Variants in NAV3 observed in about 807,000 individuals in gnomAD.
The protein encoded by NAV3 is pore membrane and/or filament interacting like protein 1.
A neutral mutation model predicts 244.7 loss-of-function variants in NAV3; 87 were observed. The ratio of observed to expected loss-of-function variants is 0.36; its 90% CI spans 0.30 to 0.42. The LOEUF (loss-of-function observed/expected upper bound fraction) is 0.42, where lower values mean the gene tolerates loss of function less well. NAV3 is among the 20% of genes least tolerant of loss of function. The pLI is 1.00. For synonymous variants in NAV3, 1,126 were observed against 1,042.2 expected (o/e 1.08, Z -1.55); for missense variants, 2,663 against 2,893.3 (o/e 0.92, Z 1.83).
chr12:78,138,987 T>A (rs908200099), intron 19 of NAV3, among the ~76,000 whole-genome samples: 1 of 152,144 alleles, frequency 6.6e-6, no homozygotes, highest in African/African-American at 2.4e-5. Flanking sequence ...TGTTCTAAGG[T>A]CATAAACAGA....
At position 77,772,883 on chromosome 12, in the gene NAV3, AG is replaced by A; in HGVS notation, c.73-167435del. 4.6e-5 allele frequency among the ~76,000 whole-genome samples: 7 copies of A among 152,324 alleles called. No homozygotes were observed. The South Asian group carries it at 1.5e-3, about 32-fold the overall frequency. Reference sequence around the variant, plus strand: ...AAACAGATTGCTAGTCTTTCCTACCAGCTGTTCCTCTCTCCTTTCATTGTTG... The same window carrying A: ...AAACAGATTGCTAGTCTTTCCTACCACTGTTCCTCTCTCCTTTCATTGTTG... On this transcript the variant is annotated intron_variant, in intron 2 of 8. Coordinates refer to the NAV3 transcript ENST00000550042.
chr12:78,024,149 T>C (rs1161439791), intron 9 of NAV3, among the ~76,000 whole-genome samples: 1 of 152,238 alleles, frequency 6.6e-6, no homozygotes, highest in Admixed American at 6.5e-5. Context: ...CGCATATTTT[T>C]CTTCTCTCCT....
chr12:77,948,788 A>G (rs1890605217), intron 3 of NAV3, among the ~76,000 whole-genome samples: 1 of 151,314 alleles, frequency 6.6e-6, no homozygotes, highest in Non-Finnish European at 1.5e-5. Flanking sequence ...ACAAAATATT[A>G]AGATATTTGG....
chr12:78,141,939 G>C (rs954279678), intron 20 of NAV3, among the ~76,000 whole-genome samples: 1 of 151,426 alleles, frequency 6.6e-6, no homozygotes, highest in African/African-American at 2.4e-5. Context: ...ATTAATATTT[G>C]GATAAAGCTA....
intron 1 of NAV3, among the ~76,000 whole-genome samples, chr12:77,905,183 T>G (rs1885834384): frequency 6.6e-6 from 1 of 152,106 alleles, no homozygotes; most frequent in South Asian, 2.1e-4. Context: ...AAATCTTGGA[T>G]TTTGAGATTC....
rs1045944544 is a variant in NAV3, at chr12:77,706,871, AAAAAAAAAAAAAAAAAAAAAAACC to A, written c.72+134619_72+134642del. Reference sequence around the variant, plus strand: ...GGGCAACAGAGTGAGACTCTGTTTCAAAAAAAAAAAAAAAAAAAAAAACCAAAAAAAAAAAAACTAGGAAAAAAA... The same window carrying A: ...GGGCAACAGAGTGAGACTCTGTTTCAAAAAAAAAAAAAACTAGGAAAAAAA... On this transcript the variant is annotated intron_variant, in intron 2 of 8. Transcript: ENST00000550042. Among the ~76,000 whole-genome samples the A allele has an allele frequency of 5.0e-3, 29 of 5,776 alleles. No homozygotes were observed. In the South Asian group the frequency reaches 0.092, roughly 18 times the overall value. 3.8% of individuals were successfully genotyped at this position (5,776 alleles called of 152,430 possible).
intron 12 of NAV3, among the ~76,000 whole-genome samples, chr12:78,095,795 A>C (rs1954220017): frequency 6.6e-6 from 1 of 152,192 alleles, no homozygotes; most frequent in African/African-American, 2.4e-5. Flanking sequence ...TTTCCATGAT[A>C]GTACTCAGAA....
chr12:77,976,663 TTTC>T (rs1310366065), intron 5 of NAV3, among the ~76,000 whole-genome samples: 9 of 58,214 alleles, frequency 1.5e-4, no homozygotes, highest in South Asian at 1.4e-3. Context: ...TCTTTCTTTC[TTTC>T]TTTTTTTCTT....
intron 12 of NAV3, among the ~76,000 whole-genome samples, chr12:78,107,619 C>A (rs1241645989): frequency 2.0e-5 from 3 of 151,252 alleles, no homozygotes; most frequent in African/African-American, 4.9e-5. Context: ...AAAAAAAAAA[C>A]TATCAGCCTT....
chr12:77,723,856 C>T (rs921149243), intron 2 of NAV3, among the ~76,000 whole-genome samples: 11 of 141,980 alleles, frequency 7.7e-5, no homozygotes, highest in Admixed American at 6.8e-4. Context: ...ACAGTAAGTC[C>T]TTGCAGGATA....
intron 2 of NAV3, among the ~76,000 whole-genome samples, chr12:77,695,428 C>G (rs562326155): frequency 2.6e-5 from 4 of 152,054 alleles, no homozygotes; most frequent in African/African-American, 9.7e-5. Context: ...AGTGTATATT[C>G]TTGGCACCTT....
At chr12:78,086,596 A>G (rs1223338286) in intron 12 of NAV3, among the ~76,000 whole-genome samples, 1 of 151,996 alleles carries the variant, frequency 6.6e-6, no homozygotes, top group Non-Finnish European at 1.5e-5. Flanking sequence ...AACCTCTTAA[A>G]TTTGTATGCC....
chr12:78,147,096 T>G (rs1295494392), intron 21 of NAV3, among the ~76,000 whole-genome samples: 1 of 152,114 alleles, frequency 6.6e-6, no homozygotes, highest in East Asian at 1.9e-4. Flanking sequence ...ACAACAGCTT[T>G]TGCAAAAGTA....
intron 2 of NAV3, among the ~76,000 whole-genome samples, chr12:77,778,188 C>T (rs1592674518): frequency 7.6e-6 from 1 of 130,902 alleles, no homozygotes; most frequent in East Asian, 2.4e-4. Flanking sequence ...CTCTCCTCCT[C>T]TCCTCTCCCC....
intron 12 of NAV3, among the ~76,000 whole-genome samples, chr12:78,090,189 G>GTA (rs34476960): frequency 0.01 from 1,495 of 146,524 alleles, 12 homozygotes; most frequent in African/African-American, 0.027. Context: ...ATATATGTGT[G>GTA]TATATATATA....
chr12:78,040,725 T>TA (rs1284875644), intron 9 of NAV3, among the ~76,000 whole-genome samples: 4 of 151,740 alleles, frequency 2.6e-5, no homozygotes, highest in African/African-American at 4.8e-5. Flanking sequence ...CCCCACCAAG[T>TA]AAAAAAAAGG....
At chr12:78,125,831 A>C (rs1352230515) in intron 16 of NAV3, among the ~76,000 whole-genome samples, 1 of 152,148 alleles carries the variant, frequency 6.6e-6, no homozygotes, top group Non-Finnish European at 1.5e-5. Flanking sequence ...TTTTTCATTA[A>C]ATTGCTCTTC....
intron 2 of NAV3, among the ~76,000 whole-genome samples, chr12:77,581,478 T>C (rs1869362404): frequency 6.6e-6 from 1 of 152,208 alleles, no homozygotes; most frequent in East Asian, 1.9e-4. Context: ...AAATGTGATG[T>C]TATATTGCTT....
chr12:77,882,554 C>T (rs774908568), intron 1 of NAV3, among the ~76,000 whole-genome samples: 10 of 152,038 alleles, frequency 6.6e-5, no homozygotes, highest in East Asian at 3.9e-4. Context: ...CAAAAGCAAT[C>T]GCAATAAAAA....
Sources: allele counts gnomAD v4.1 joint callset (sites outside exome capture counted in the v4.1 genomes callset), GRCh38; gene constraint gnomAD v4.1.1; transcripts MANE v1.5; gene names NCBI Gene and HGNC (gene_info 2026-07-23, HGNC 2026-07-21).